Variants in BAG4 observed in about 807,000 individuals in gnomAD.
BAG4 encodes the protein BAG cochaperone 4, also known as BAG family molecular chaperone regulator 4.
In BAG4, 28 loss-of-function variants were observed where a neutral mutation model predicts 52.1. That is an observed-to-expected ratio of 0.54 (90% CI 0.40 to 0.74). The LOEUF (loss-of-function observed/expected upper bound fraction) is 0.74, where lower values mean the gene tolerates loss of function less well. Among genes scored for constraint, BAG4 ranks in the 30% least tolerant of loss-of-function variants. The pLI is 0.00. For synonymous variants in BAG4, 208 were observed against 217.0 expected, an observed-to-expected ratio of 0.96 and a Z score of 0.37; for missense variants, 525 against 572.0, an observed-to-expected ratio of 0.92 and a Z score of 0.84.
chr8:38,182,043 T>A (rs1398461214), intron 1 of BAG4, among the ~76,000 whole-genome samples: 1 of 152,008 alleles, frequency 6.6e-6, no homozygotes, highest in East Asian at 1.9e-4. Context: ...AGTAGGAAGC[T>A]AGGTCATCTT....
chr8:38,207,842 A>G, intron 3 of BAG4, 76 bp downstream of exon 3: 2 of 1,507,652 alleles, frequency 1.3e-6, no homozygotes, highest in Non-Finnish European at 1.8e-6. Context: ...GCATCTGTTC[A>G]TACTAGTGCT....
intron 1 of BAG4, among the ~76,000 whole-genome samples, chr8:38,184,800 T>C (rs1803336642): frequency 1.3e-5 from 2 of 152,220 alleles, no homozygotes; most frequent in South Asian, 2.1e-4. Context: ...TATAGAATGC[T>C]GTGCTTGCGG....
chr8:38,204,786 T>C (rs1803740926), intron 2 of BAG4, among the ~76,000 whole-genome samples: 1 of 152,148 alleles, frequency 6.6e-6, no homozygotes. Context: ...TATCAGTACA[T>C]GGCCGTCGTG....
intron 4 of BAG4, 174 bp downstream of exon 4, chr8:38,209,441 T>A: frequency 1.3e-6 from 1 of 752,522 alleles, no homozygotes. Flanking sequence ...TTTAATAGAC[T>A]TTATATTTAG....
rs573485945 is a variant in BAG4, at chr8:38,203,368, C to T, written c.379-4144C>T. On this transcript the variant is annotated intron_variant, in intron 2 of 4. Transcript: ENST00000287322. ...CACGATCTTGGCTCACTGCAAGCTC[C>T]GCCTCCCGAGTTCACGCCATTCTCC... is the stretch of plus-strand genomic sequence containing the variant. Among the ~76,000 whole-genome samples, 16 of 151,302 alleles carry T rather than the reference C, an allele frequency of 1.1e-4. No homozygotes were observed. The South Asian group carries it at 1.7e-3, about 16-fold the overall frequency.
At chr8:38,194,345 T>A (rs1283805198) in intron 2 of BAG4, among the ~76,000 whole-genome samples, 1 of 151,930 alleles carries the variant, frequency 6.6e-6, no homozygotes, top group East Asian at 1.9e-4. Context: ...TTTTCATCTT[T>A]CTGTTATATA....
intron 2 of BAG4, among the ~76,000 whole-genome samples, chr8:38,205,409 A>G (rs1213106269): frequency 6.6e-6 from 1 of 151,910 alleles, no homozygotes; most frequent in Admixed American, 6.6e-5. Context: ...TCTTTAATCT[A>G]CTTAAAGATT....
intron 2 of BAG4, among the ~76,000 whole-genome samples, chr8:38,200,942 G>C (rs538492317): frequency 6.6e-6 from 1 of 152,182 alleles, no homozygotes; most frequent in African/African-American, 2.4e-5. Flanking sequence ...GATCAGTTTG[G>C]AGAGTAGCAT....
At chr8:38,207,196 A>C (rs1585667006) in intron 2 of BAG4, among the ~76,000 whole-genome samples, 1 of 151,808 alleles carries the variant, frequency 6.6e-6, no homozygotes. Flanking sequence ...CAGGTGACCC[A>C]CCCGCCTCGG....
intron 2 of BAG4, among the ~76,000 whole-genome samples, chr8:38,206,005 C>T (rs1199873102): frequency 2.0e-5 from 3 of 150,926 alleles, no homozygotes; most frequent in Non-Finnish European, 4.4e-5. Flanking sequence ...GATCCTCCCT[C>T]CTAGGCTGGA....
chr8:38,190,010 C>T (rs902973318), intron 1 of BAG4, among the ~76,000 whole-genome samples: 1 of 152,192 alleles, frequency 6.6e-6, no homozygotes, highest in South Asian at 2.1e-4. Context: ...TGGTCTCTAT[C>T]TCCTGACCTC....
In BAG4 at chr8:38,211,706, G is replaced by A. The variant is rs1197232584; in HGVS notation, c.*1213G>A. On this transcript the variant is annotated 3_prime_UTR_variant, in exon 5 of 5. Coordinates refer to ENST00000287322, the MANE Select transcript of BAG4 (RefSeq NM_004874.4). ...ATGTTTATTTCCCTAAATTGCATAAGATAAAATTGTCTGTTTAATAAAAAG... is the reference window on the plus strand; with the variant it reads ...ATGTTTATTTCCCTAAATTGCATAAAATAAAATTGTCTGTTTAATAAAAAG... 6 of 152,034 alleles carry A rather than the reference G, an allele frequency of 3.9e-5. No individual in the cohort carries two copies. Among genetic ancestry groups the A allele is most frequent in the Admixed American group, 2.6e-4 (4 of 15,266 alleles). 9.4% of individuals were successfully genotyped at this position (152,034 alleles called of 1,614,324 possible). A position where few individuals can be genotyped will look rare whatever the true frequency, so the allele number is the denominator to read the frequency against.
chr8:38,208,443 G>T (rs1803811952), intron 3 of BAG4, among the ~76,000 whole-genome samples: 2 of 150,414 alleles, frequency 1.3e-5, no homozygotes, highest in Admixed American at 1.3e-4. Flanking sequence ...CCGAGTAGCT[G>T]GGACTACAAG....
chr8:38,183,193 C>T (rs976244180), intron 1 of BAG4, among the ~76,000 whole-genome samples: 2 of 151,842 alleles, frequency 1.3e-5, no homozygotes, highest in African/African-American at 2.4e-5. Flanking sequence ...CACAGGCGTC[C>T]GCCAGCAGGC....
In BAG4 at chr8:38,210,820, G is replaced by T; in HGVS notation, c.*327G>T. On this transcript the variant is annotated 3_prime_UTR_variant, in exon 5 of 5. Transcript: ENST00000287322. ...CACACTTCACACAACAGGCTTATCA[G>T]AAACCTACCAGATGAAACTGGATAT... 2 of 191,110 alleles carry T rather than the reference G, an allele frequency of 1.0e-5. No homozygotes were observed. Among genetic ancestry groups the T allele is most frequent in the Middle Eastern group, 2.3e-3 (1 of 438 alleles). The allele number at this position is 191,110 out of a possible 1,614,324, so 11.8% of individuals were successfully genotyped here.
At chr8:38,179,652 G>C (rs956866615) in intron 1 of BAG4, among the ~76,000 whole-genome samples, 8 of 151,842 alleles carry the variant, frequency 5.3e-5, no homozygotes, top group Non-Finnish European at 1.0e-4. Flanking sequence ...TGTAATCCCA[G>C]CTATTCGAGA....
intron 2 of BAG4, among the ~76,000 whole-genome samples, chr8:38,200,377 A>G (rs1234113260): frequency 1.3e-5 from 2 of 152,108 alleles, no homozygotes; most frequent in Non-Finnish European, 2.9e-5. Context: ...CCATTAATCT[A>G]TATGTCTTCC....
rs770881318 is a variant in BAG4, at chr8:38,176,972, C to T, written c.103C>T (p.Pro35Ser). The T allele has an allele frequency of 3.2e-6, 5 of 1,577,908 alleles. No homozygotes were observed. Among genetic ancestry groups the T allele is most frequent in the Non-Finnish European group, 4.3e-6 (5 of 1,162,144 alleles). Residue 35 changes from proline (P) to serine (S), a missense_variant, in exon 1 of 5, where the codon CCC (proline) becomes TCC (serine). This residue lies in a region of BAG4 where 287 missense variants were observed against 266.1 expected (regional missense o/e 1.08). Coordinates refer to ENST00000287322, the MANE Select transcript of BAG4 (RefSeq NM_004874.4). ...GGDVPVHPPPPLYPLRPEPPQ... is the reference protein window; with the variant it reads ...GGDVPVHPPPSLYPLRPEPPQ... Reference sequence around the variant, plus strand: ...AGATGTGCCGGTACACCCACCTCCACCCTTATATCCTCTTCGCCCTGAACC... The same window carrying T: ...AGATGTGCCGGTACACCCACCTCCATCCTTATATCCTCTTCGCCCTGAACC...
chr8:38,200,909 A>AT (rs1326955542), intron 2 of BAG4, among the ~76,000 whole-genome samples: 1 of 152,148 alleles, frequency 6.6e-6, no homozygotes, highest in Non-Finnish European at 1.5e-5. Flanking sequence ...GGCAGCTGAG[A>AT]TTTTTATTGA....
Sources: gnomAD v4.1 joint callset for allele counts (sites outside exome capture counted in the v4.1 genomes callset) on GRCh38, gnomAD v4.1.1 for gene constraint, gnomAD v4.1.1 regional missense constraint, MANE v1.5 for transcripts, NCBI Gene and HGNC (gene_info 2026-07-23, HGNC 2026-07-21) for gene names.